The following RIPOR3 variants were observed in gnomAD, a reference collection of about 807,000 sequenced individuals.
RIPOR3 encodes the protein family with sequence similarity 65 member C.
Under a neutral mutation model 114.3 loss-of-function variants are expected in RIPOR3, and 95 were observed. That is an observed-to-expected ratio of 0.83 (90% CI 0.70 to 0.99). RIPOR3 has a LOEUF of 0.99. Among genes scored for constraint, RIPOR3 ranks in the 50% least tolerant of loss-of-function variants. The probability of loss-of-function intolerance (pLI) is 0.00; values close to 1 mark genes in which losing one functional copy is unlikely to be tolerated. For synonymous variants in RIPOR3, 575 were observed against 543.8 expected (o/e 1.06, Z -0.80); for missense variants, 1,252 against 1,266.9 (o/e 0.99, Z 0.18).
intron 1 of RIPOR3, among the ~76,000 whole-genome samples, chr20:50,631,199 C>G (rs2084808426): frequency 6.6e-6 from 1 of 152,216 alleles, no homozygotes; most frequent in Admixed American, 6.5e-5. Context: ...CCTCCTCCAG[C>G]CCTCCCTGAG....
At chr20:50,610,624 G>A (rs1465326280) in intron 6 of RIPOR3, among the ~76,000 whole-genome samples, 1 of 152,138 alleles carries the variant, frequency 6.6e-6, no homozygotes, top group Non-Finnish European at 1.5e-5. Context: ...AGTCCTCAGG[G>A]AGTCCCACCT....
At chr20:50,629,872 G>A (rs575203886) in intron 2 of RIPOR3, among the ~76,000 whole-genome samples, 8 of 152,244 alleles carry the variant, frequency 5.3e-5, no homozygotes, top group East Asian at 1.9e-4. Flanking sequence ...AACCCCGCCC[G>A]TGGAAGACCC....
chr20:50,589,731 G>A lies in RIPOR3; in HGVS notation c.2616C>T (p.Asp872=), dbSNP rs116847542. Residue 872 remains aspartate (D), a synonymous_variant, in exon 20 of 22, where the codon GAC becomes GAT. Coordinates refer to ENST00000327979, the MANE Select transcript of RIPOR3 (RefSeq NM_001290268.2). Reference sequence around the variant, plus strand: ...GGCATGCGGCCTGCTGGAGCCTTGCGTCGTTCTCTGCCAGGGCGTTGGTGT... The same window carrying A: ...GGCATGCGGCCTGCTGGAGCCTTGCATCGTTCTCTGCCAGGGCGTTGGTGT... ...LFYTNALAEN[D]ARLQQAACLA... 1.4e-4 allele frequency: 223 copies of A among 1,613,864 alleles called. No homozygotes were observed. The East Asian group carries it at 3.3e-3, about 24-fold the overall frequency.
Position 50,586,682 on chromosome 20 carries a change from C to T in RIPOR3, c.*550G>A, listed in dbSNP as rs893236869. On this transcript the variant is annotated 3_prime_UTR_variant, in exon 22 of 22. Transcript: ENST00000327979. ...GGGCTGAGAGTGTGGTTGTAGAAAC[C>T]CTGGCTTTGTGCCTTCCCACCTTCC... The T allele has an allele frequency of 6.5e-6, 1 of 154,650 alleles. No individual in the cohort carries two copies. The allele number at this position is 154,650 out of a possible 1,614,324, so 9.6% of individuals were successfully genotyped here. A position where few individuals can be genotyped will look rare whatever the true frequency, so the allele number is the denominator to read the frequency against.
chr20:50,593,233 ACCT>A (rs753954328), intron 17 of RIPOR3, 37 bp from the exon 18 acceptor site: 2 of 1,595,038 alleles, frequency 1.3e-6, no homozygotes, highest in Non-Finnish European at 1.7e-6. Context: ...AGAAACTGAG[ACCT>A]CGACCCTCCA....
intron 2 of RIPOR3, among the ~76,000 whole-genome samples, chr20:50,628,916 G>T (rs937959416): frequency 6.6e-6 from 1 of 152,158 alleles, no homozygotes; most frequent in Non-Finnish European, 1.5e-5. Flanking sequence ...TGGAGGTGGG[G>T]TCCTATCCCC....
At chr20:50,676,390 G>T (rs1052560977) in intron 1 of RIPOR3, among the ~76,000 whole-genome samples, 8 of 152,076 alleles carry the variant, frequency 5.3e-5, no homozygotes, top group African/African-American at 1.9e-4. Flanking sequence ...GGGGGCTCAT[G>T]CCTGTAATCC....
chr20:50,606,347 A>G (rs892511295), intron 11 of RIPOR3, among the ~76,000 whole-genome samples: 1 of 152,258 alleles, frequency 6.6e-6, no homozygotes, highest in African/African-American at 2.4e-5. Flanking sequence ...TCAAGGAAAG[A>G]CACCAAGGTC....
In RIPOR3 at chr20:50,689,537, G is replaced by A. The variant is rs530303613; in HGVS notation, c.3+1589C>T. On this transcript the variant is annotated intron_variant, in intron 1 of 21. Transcript: ENST00000327979. ...TCTCAGACGCTTAAGTTCTCAGTTC[G>A]GAACTTAAGCGCTCTTCAACCAGAC... is the stretch of plus-strand genomic sequence containing the variant. 5.9e-5 allele frequency among the ~76,000 whole-genome samples: 9 copies of A among 152,228 alleles called. No individual in the cohort carries two copies. The South Asian group carries it at 1.0e-3, about 18-fold the overall frequency.
At chr20:50,665,516 G>T (rs550736530) in intron 1 of RIPOR3, among the ~76,000 whole-genome samples, 10 of 145,388 alleles carry the variant, frequency 6.9e-5, no homozygotes, top group Non-Finnish European at 1.5e-4. Context: ...CGCCTCCCGG[G>T]TTCAAGCAAT....
chr20:50,608,204 A>C (rs552384246), intron 11 of RIPOR3, among the ~76,000 whole-genome samples, 185 bp downstream of exon 11: 15 of 152,316 alleles, frequency 9.8e-5, no homozygotes, highest in African/African-American at 3.4e-4. Context: ...AAAGGCAGGC[A>C]GGGGCTACAG....
chr20:50,691,129 C>A lies in RIPOR3; in HGVS notation c.-1G>T. The A allele has an allele frequency of 7.8e-7, 1 of 1,289,496 alleles. No individual in the cohort carries two copies. Among genetic ancestry groups the A allele is most frequent in the South Asian group, 1.2e-5 (1 of 81,036 alleles). 79.9% of individuals were successfully genotyped at this position (1,289,496 alleles called of 1,614,324 possible). On this transcript the variant is annotated 5_prime_UTR_variant, in exon 1 of 22. Transcript: ENST00000327979. Reference sequence around the variant, plus strand: ...GGAGCAGTCACTTCACACTCACCATCGAGCAGGTCTGGACACTCGAGTGCA... The same window carrying A: ...GGAGCAGTCACTTCACACTCACCATAGAGCAGGTCTGGACACTCGAGTGCA...
intron 5 of RIPOR3, 55 bp downstream of exon 5, chr20:50,611,126 A>G: frequency 6.2e-7 from 1 of 1,613,538 alleles, no homozygotes; most frequent in South Asian, 1.1e-5. Context: ...AATGAGGCAC[A>G]GTCATTCTCA....
chr20:50,644,037 T>C (rs927085372), intron 1 of RIPOR3, among the ~76,000 whole-genome samples: 7 of 152,046 alleles, frequency 4.6e-5, no homozygotes, highest in African/African-American at 1.7e-4. Context: ...GGAGGATTTC[T>C]TGAGCCCAGG....
At chr20:50,642,375 T>A (rs113737119) in intron 1 of RIPOR3, among the ~76,000 whole-genome samples, 4,158 of 139,060 alleles carry the variant, frequency 0.03, 207 homozygotes, top group African/African-American at 0.11. Flanking sequence ...TGTGTGTGTG[T>A]GTGAGAGAGA....
At chr20:50,662,833 G>A (rs752996921) in intron 1 of RIPOR3, among the ~76,000 whole-genome samples, 47 of 152,188 alleles carry the variant, frequency 3.1e-4, no homozygotes, top group Non-Finnish European at 4.9e-4. Context: ...AGTGGCTCAC[G>A]CCTGTAATCC....
intron 6 of RIPOR3, 68 bp downstream of exon 6, chr20:50,610,785 A>G: frequency 6.2e-7 from 1 of 1,605,086 alleles, no homozygotes; most frequent in Admixed American, 1.7e-5. Flanking sequence ...AGCTCCTGCT[A>G]ACCTAGCTGA....
At chr20:50,657,678 A>T (rs2085857579) in intron 1 of RIPOR3, among the ~76,000 whole-genome samples, 2 of 152,090 alleles carry the variant, frequency 1.3e-5, no homozygotes, top group South Asian at 4.1e-4. Flanking sequence ...GTATTTTTCT[A>T]ATACTAGTTT....
intron 1 of RIPOR3, among the ~76,000 whole-genome samples, chr20:50,677,283 A>T (rs1379400543): frequency 1.3e-5 from 2 of 151,954 alleles, no homozygotes; most frequent in Non-Finnish European, 2.9e-5. Context: ...CACAGGGTCC[A>T]AACCCATTTG....
Sources: allele counts gnomAD v4.1 joint callset (sites outside exome capture counted in the v4.1 genomes callset), GRCh38; gene constraint gnomAD v4.1.1; transcripts MANE v1.5; gene names NCBI Gene and HGNC (gene_info 2026-07-23, HGNC 2026-07-21).